The following ZNF678 variants were observed in gnomAD, a reference collection of about 807,000 sequenced individuals.
ZNF678 encodes the protein zinc finger protein 678, also known as hypothetical protein MGC42493.
A neutral mutation model predicts 3.0 loss-of-function variants in ZNF678; 5 were observed. The ratio of observed to expected loss-of-function variants is 1.69; its 90% CI spans 0.88 to 3.56. The LOEUF (loss-of-function observed/expected upper bound fraction) is 3.56, where lower values mean the gene tolerates loss of function less well. ZNF678 is among the 30% of genes most tolerant of loss of function. ZNF678 has a pLI of 0.00. For missense variants in ZNF678, 593 were observed against 605.0 expected, an observed-to-expected ratio of 0.98 and a Z score of 0.21; for synonymous variants, 218 against 199.6, an observed-to-expected ratio of 1.09 and a Z score of -0.78.
chr1:227,594,627 A>G (rs1471121597), intron 1 of ZNF678, among the ~76,000 whole-genome samples: 6 of 152,238 alleles, frequency 3.9e-5, no homozygotes, highest in African/African-American at 1.4e-4. Context: ...ATGCCTCCTT[A>G]TAATTCTTTT....
chr1:227,672,305 A>G (rs1032636399), intron 5 of ZNF678, among the ~76,000 whole-genome samples: 1 of 152,134 alleles, frequency 6.6e-6, no homozygotes, highest in Admixed American at 6.6e-5. Flanking sequence ...TTTCTGAGTT[A>G]GGGGAGTGAC....
chr1:227,564,086 A>T (rs144122357), intron 1 of ZNF678, among the ~76,000 whole-genome samples: 2,359 of 152,300 alleles, frequency 0.015, 72 homozygotes, highest in African/African-American at 0.053. Flanking sequence ...AGTCACTTTT[A>T]AAGCTTTGAA....
chr1:227,623,417 T>A (rs1037150278), intron 1 of ZNF678, among the ~76,000 whole-genome samples: 8 of 152,194 alleles, frequency 5.3e-5, no homozygotes, highest in African/African-American at 1.7e-4. Flanking sequence ...ACCTGACAGG[T>A]TTGTTGGCAA....
chr1:227,655,239 T>C lies in ZNF678; in HGVS notation c.989T>C (p.Phe330Ser). 1 of 1,610,402 alleles carries C rather than the reference T, an allele frequency of 6.2e-7. No homozygotes were observed. The highest frequency in any genetic ancestry group is 8.5e-7 in the Non-Finnish European group (1 of 1,178,674). The change falls in exon 4 of 4, where the codon TTT (phenylalanine) becomes TCT (serine). Residue 330 changes from phenylalanine (F) to serine (S), a missense_variant. Physicochemically the swap from Phe to Ser is radical, Grantham distance 155. Transcript: ENST00000343776. ...CAATGTGAAGAATGTGGCAAAACTT[T>C]TAATCGGTGTTCACACCTAAGTAGC... Reference protein sequence around the residue: ...PYQCEECGKTFNRCSHLSSHK... With the variant: ...PYQCEECGKTSNRCSHLSSHK...
At chr1:227,664,558 G>T (rs1472489475), downstream of ZNF678, among the ~76,000 whole-genome samples, 1 of 152,164 alleles carries the variant, frequency 6.6e-6, no homozygotes, top group Non-Finnish European at 1.5e-5. Flanking sequence ...TCAGTGGTGA[G>T]AGTTGAGCCA....
chr1:227,567,460 C>A (rs999915371), intron 1 of ZNF678, among the ~76,000 whole-genome samples: 3 of 152,130 alleles, frequency 2.0e-5, no homozygotes, highest in Non-Finnish European at 2.9e-5. Flanking sequence ...GAGGAGCCTC[C>A]TCTGCAGGTG....
intron 1 of ZNF678, among the ~76,000 whole-genome samples, chr1:227,615,750 AG>A (rs937175044): frequency 6.6e-6 from 1 of 152,208 alleles, no homozygotes; most frequent in Non-Finnish European, 1.5e-5. Flanking sequence ...TTTCCATCAC[AG>A]GGTCATTTCA....
intron 2 of ZNF678, among the ~76,000 whole-genome samples, chr1:227,647,690 A>G (rs1196399740): frequency 6.6e-6 from 1 of 152,166 alleles, no homozygotes; most frequent in Admixed American, 6.5e-5. Context: ...CTTCTGCCCC[A>G]TGCTCTTAAG....
chr1:227,623,651 A>G lies in ZNF678; in HGVS notation c.-163-22893A>G, dbSNP rs1001619643. Among the ~76,000 whole-genome samples, 7 of 152,314 alleles carry G rather than the reference A, an allele frequency of 4.6e-5. No individual in the cohort carries two copies. In the South Asian group the frequency reaches 1.4e-3, roughly 32 times the overall value. On this transcript the variant is annotated intron_variant, in intron 1 of 3. Transcript: ENST00000343776. The stretch of plus-strand genomic sequence containing the variant: ...ATATTTTATACTAAAATTATTTAAA[A>G]TGTTAATAATTAAATACTATTAGTT...
At chr1:227,600,685 C>T (rs1024366901) in intron 1 of ZNF678, among the ~76,000 whole-genome samples, 10 of 151,216 alleles carry the variant, frequency 6.6e-5, no homozygotes, top group Admixed American at 2.0e-4. Flanking sequence ...GAATATGAGA[C>T]GTTTGTCAGA....
intron 1 of ZNF678, among the ~76,000 whole-genome samples, chr1:227,599,818 A>G (rs1253532928): frequency 1.3e-5 from 2 of 151,834 alleles, no homozygotes; most frequent in Non-Finnish European, 2.9e-5. Flanking sequence ...TTTTTTCTTT[A>G]TTTTTTTATT....
intron 1 of ZNF678, among the ~76,000 whole-genome samples, chr1:227,627,976 G>A (rs889125471): frequency 1.3e-4 from 20 of 152,192 alleles, no homozygotes; most frequent in African/African-American, 4.6e-4. Context: ...AAATGTGGGT[G>A]GGTTAAGAGT....
intron 1 of ZNF678, among the ~76,000 whole-genome samples, chr1:227,628,601 GC>G: frequency 6.6e-6 from 1 of 152,348 alleles, no homozygotes; most frequent in Admixed American, 6.5e-5. Flanking sequence ...GGGCCCTGGT[GC>G]CTTTGGATAA....
intron 1 of ZNF678, among the ~76,000 whole-genome samples, chr1:227,635,445 C>A (rs12137233): frequency 0.19 from 28,551 of 150,982 alleles, 2,834 homozygotes; most frequent in African/African-American, 0.24. Flanking sequence ...ATAGGCAGTT[C>A]AGTTTTTTGT....
rs1298718780 is a variant in ZNF678 at position 227,563,719 on chromosome 1, A to T, written c.-169A>T. On this transcript the variant is annotated 5_prime_UTR_variant, in exon 1 of 4. An upstream open reading frame in the 5' UTR gains an earlier in-frame stop. Transcript: ENST00000343776. Reference sequence around the variant, plus strand: ...GATGCCAGGACACCCCGAAAGCCGGAAAACGGTGAGAGTTCCCGGGAGGGT... The same window carrying T: ...GATGCCAGGACACCCCGAAAGCCGGTAAACGGTGAGAGTTCCCGGGAGGGT... The T allele has an allele frequency of 7.5e-7, 1 of 1,329,034 alleles. No individual in the cohort carries two copies. The highest frequency in any genetic ancestry group is 1.0e-6 in the Non-Finnish European group (1 of 1,001,310). 82.3% of individuals were successfully genotyped at this position (1,329,034 alleles called of 1,614,324 possible). A position where few individuals can be genotyped will look rare whatever the true frequency, so the allele number is the denominator to read the frequency against.
At chr1:227,632,161 G>A (rs1353078099) in intron 1 of ZNF678, among the ~76,000 whole-genome samples, 1 of 152,202 alleles carries the variant, frequency 6.6e-6, no homozygotes, top group Non-Finnish European at 1.5e-5. Flanking sequence ...GTCAAGAGCT[G>A]TGTACCTAAA....
At position 227,655,760 on chromosome 1, in the gene ZNF678, C is replaced by CATACTT; in HGVS notation, c.1513_1514insCTTATA (p.His504_Ser505insThrTyr). 6.2e-7 allele frequency: 1 copy of CATACTT among 1,610,278 alleles called. No individual in the cohort carries two copies. The highest frequency in any genetic ancestry group is 8.5e-7 in the Non-Finnish European group (1 of 1,178,322). ...AAAAGGTTTTTACCAATCCTCAATC[C>CATACTT]ATAGTAAGTATAAGAGAATTTATAC... On this transcript the variant is annotated inframe_insertion, in exon 4 of 4. Transcript: ENST00000343776.
chr1:227,666,706 C>A (rs1030157160), downstream of ZNF678, among the ~76,000 whole-genome samples: 1 of 151,314 alleles, frequency 6.6e-6, no homozygotes. Flanking sequence ...GTAAAGGGTC[C>A]ACGCTCTCTC....
intron 1 of ZNF678, among the ~76,000 whole-genome samples, chr1:227,637,351 T>C (rs1658705200): frequency 6.6e-6 from 1 of 152,174 alleles, no homozygotes; most frequent in African/African-American, 2.4e-5. Context: ...TACATTGCGG[T>C]GAGCTAGCAT....
Sources: gnomAD v4.1 joint callset for allele counts (sites outside exome capture counted in the v4.1 genomes callset) on GRCh38, gnomAD v4.1.1 for gene constraint, MANE v1.5 for transcripts, NCBI Gene and HGNC (gene_info 2026-07-23, HGNC 2026-07-21) for gene names.